CCDC83: variants seen among roughly 807,000 people sequenced by gnomAD.
CCDC83 encodes the protein coiled-coil domain containing 83.
Under a neutral mutation model 50.1 loss-of-function variants are expected in CCDC83, and 54 were observed. The ratio of observed to expected loss-of-function variants is 1.08; its 90% CI spans 0.87 to 1.35. CCDC83 has a LOEUF of 1.35. Among genes scored for constraint, CCDC83 ranks in the 40% most tolerant of loss-of-function variants. CCDC83 has a pLI of 0.00. For missense variants in CCDC83, 518 were observed against 473.9 expected (o/e 1.09, Z -0.86); for synonymous variants, 161 against 153.3 (o/e 1.05, Z -0.37).
At chr11:85,879,712 T>C (rs890046696) in intron 3 of CCDC83, among the ~76,000 whole-genome samples, 1 of 152,040 alleles carries the variant, frequency 6.6e-6, no homozygotes, top group African/African-American at 2.4e-5. Context: ...CTCTACCTCC[T>C]GGGTTCAAAC....
chr11:85,897,972 C>T (rs1440814302), intron 6 of CCDC83, among the ~76,000 whole-genome samples: 2 of 152,126 alleles, frequency 1.3e-5, no homozygotes, highest in African/African-American at 4.8e-5. Context: ...GCCTGGCCAA[C>T]ATGGTGAAAC....
At chr11:85,867,743 C>T (rs2093215709) in intron 2 of CCDC83, among the ~76,000 whole-genome samples, 2 of 152,158 alleles carry the variant, frequency 1.3e-5, no homozygotes, top group Admixed American at 1.3e-4. Context: ...GACCAGAAAC[C>T]AGTCTTTCTC....
At chr11:85,863,436 A>G (rs2093189068) in intron 1 of CCDC83, among the ~76,000 whole-genome samples, 1 of 152,184 alleles carries the variant, frequency 6.6e-6, no homozygotes, top group Non-Finnish European at 1.5e-5. Context: ...AGAAGACACT[A>G]CTTAATGTAC....
intron 7 of CCDC83, among the ~76,000 whole-genome samples, chr11:85,907,463 C>CTA (rs2093430856): frequency 6.6e-6 from 1 of 152,182 alleles, no homozygotes; most frequent in South Asian, 2.1e-4. Flanking sequence ...AGACATAAGG[C>CTA]TAACTTGGAT....
chr11:85,905,565 G>A (rs1309377892), intron 7 of CCDC83, among the ~76,000 whole-genome samples: 3 of 150,228 alleles, frequency 2.0e-5, no homozygotes, highest in Non-Finnish European at 4.4e-5. Flanking sequence ...AGCAGAGATT[G>A]TGCTACTTTA....
chr11:85,887,308 TG>T (rs2093331758), intron 5 of CCDC83, among the ~76,000 whole-genome samples: 1 of 152,168 alleles, frequency 6.6e-6, no homozygotes. Flanking sequence ...ACAGAATTAA[TG>T]GGGGAAATCT....
At chr11:85,912,807 A>G in intron 8 of CCDC83, 1 of 965,434 alleles carries the variant, frequency 1.0e-6, no homozygotes, top group Non-Finnish European at 1.7e-6. Context: ...GAACTGGCTA[A>G]TCTTTAGGAA....
chr11:85,902,918 T>G (rs1305167212), intron 7 of CCDC83, among the ~76,000 whole-genome samples: 1 of 152,116 alleles, frequency 6.6e-6, no homozygotes. Flanking sequence ...ACTGCATTTT[T>G]TATGTGTTTG....
chr11:85,872,638 A>G (rs1246058766), intron 2 of CCDC83, among the ~76,000 whole-genome samples: 1 of 152,234 alleles, frequency 6.6e-6, no homozygotes, highest in Non-Finnish European at 1.5e-5. Context: ...AATAGCCTAT[A>G]AGAAAGTCTT....
chr11:85,918,095 T>A (rs2093491045), intron 10 of CCDC83: 1 of 152,232 alleles, frequency 6.6e-6, no homozygotes, highest in South Asian at 2.1e-4. Context: ...AAATAAGACA[T>A]CACCTTCCTT....
At chr11:85,896,927 G>A (rs912478620) in intron 6 of CCDC83, among the ~76,000 whole-genome samples, 1 of 151,956 alleles carries the variant, frequency 6.6e-6, no homozygotes, top group African/African-American at 2.4e-5. Context: ...GCTGTTATTG[G>A]TTGCATCCAT....
At chr11:85,910,121 G>T (rs1159041266) in intron 7 of CCDC83, among the ~76,000 whole-genome samples, 3 of 152,106 alleles carry the variant, frequency 2.0e-5, no homozygotes, top group Non-Finnish European at 4.4e-5. Context: ...TAGTTTTCAG[G>T]ATCCAGATTA....
chr11:85,859,168 A>C (rs1348312768), intron 1 of CCDC83, among the ~76,000 whole-genome samples: 1 of 148,332 alleles, frequency 6.7e-6, no homozygotes, highest in East Asian at 1.9e-4. Context: ...TAAAAAAAAA[A>C]AAAAAAAAAA....
Position 85,873,312 on chromosome 11 carries a change from G to A in CCDC83, c.180+17G>A, listed in dbSNP as rs775411167. 1.8e-6 allele frequency: 2 copies of A among 1,114,366 alleles called. No individual in the cohort carries two copies. Among genetic ancestry groups the A allele is most frequent in the Non-Finnish European group, 2.6e-6 (2 of 760,570 alleles). 69.0% of individuals were successfully genotyped at this position (1,114,366 alleles called of 1,614,324 possible). A position where few individuals can be genotyped will look rare whatever the true frequency, so the allele number is the denominator to read the frequency against. On this transcript the variant is annotated intron_variant, in intron 3 of 10. Transcript: ENST00000342404. ...CATGAAAGAGTGAGTATAAAATTTA[G>A]AACCTATATATAGTCATTAAATATT...
chr11:85,906,860 G>C (rs2093428112), intron 7 of CCDC83, among the ~76,000 whole-genome samples: 1 of 146,582 alleles, frequency 6.8e-6, no homozygotes, highest in African/African-American at 2.4e-5. Flanking sequence ...ACTCCAGCCT[G>C]GGTGACAGAA....
At chr11:85,855,179 C>T (rs1225468283), upstream of CCDC83, 1 of 152,350 alleles carries the variant, frequency 6.6e-6, no homozygotes, top group African/African-American at 2.4e-5. Context: ...AGCTGTCCGC[C>T]CAGGGCCGGG....
At chr11:85,886,154 G>T (rs1471076879) in intron 4 of CCDC83, 46 bp from the exon 5 acceptor site, 2 of 1,438,730 alleles carry the variant, frequency 1.4e-6, no homozygotes, top group South Asian at 1.6e-5. Flanking sequence ...AACATATAAT[G>T]GTTACAAGGA....
intron 2 of CCDC83, among the ~76,000 whole-genome samples, chr11:85,868,135 G>T (rs886938648): frequency 4.6e-5 from 7 of 152,174 alleles, no homozygotes; most frequent in African/African-American, 7.2e-5. Flanking sequence ...TTTATCCCAA[G>T]AAAAGAAAGT....
At chr11:85,907,029 T>A (rs1322425148) in intron 7 of CCDC83, among the ~76,000 whole-genome samples, 1 of 152,334 alleles carries the variant, frequency 6.6e-6, no homozygotes, top group East Asian at 1.9e-4. Context: ...ATTAAAACTA[T>A]TTCTGGTACC....
Sources: allele counts gnomAD v4.1 joint callset (sites outside exome capture counted in the v4.1 genomes callset), GRCh38; gene constraint gnomAD v4.1.1; transcripts MANE v1.5; gene names NCBI Gene and HGNC (gene_info 2026-07-23, HGNC 2026-07-21).